ZFHX3: variants seen among roughly 807,000 people sequenced by gnomAD.
ZFHX3 encodes the protein zinc finger homeobox 3, also known as zinc finger homeobox protein 3.
ZFHX3 carries 42 observed loss-of-function variants against 279.1 expected under a neutral mutation model. The ratio of observed to expected loss-of-function variants is 0.15; its 90% confidence interval spans 0.12 to 0.19. The LOEUF is 0.19. Among genes scored for constraint, ZFHX3 ranks in the 10% least tolerant of loss-of-function variants. ZFHX3 has a pLI of 1.00. For missense variants in ZFHX3, 4,981 were observed against 4,754.0 expected (o/e 1.05, Z -1.40); for synonymous variants, 2,293 against 1,957.8 (o/e 1.17, Z -4.52).
intron 1 of ZFHX3, among the ~76,000 whole-genome samples, chr16:73,695,059 C>T (rs896901733): frequency 6.6e-6 from 1 of 152,166 alleles, no homozygotes; most frequent in Admixed American, 6.5e-5. Flanking sequence ...TATTGCAGAC[C>T]TATTTACACA....
chr16:73,238,018 A>T (rs1349661000), intron 5 of ZFHX3, among the ~76,000 whole-genome samples: 1 of 152,032 alleles, frequency 6.6e-6, no homozygotes, highest in South Asian at 2.1e-4. Flanking sequence ...TTAACAACCA[A>T]TTCCACTGTG....
chr16:72,789,752 A>G (rs1206196705), intron 9 of ZFHX3: 2 of 152,254 alleles, frequency 1.3e-5, no homozygotes, highest in Non-Finnish European at 2.9e-5. Context: ...ACTCAACAGT[A>G]TAACCGCCTA....
In ZFHX3 at chr16:73,216,105, A is replaced by G. The variant is rs796920289; in HGVS notation, c.-1104+40942T>C. Reference sequence around the variant, plus strand: ...CAGTCAAGCACAGAAGAACCAAAGCAGGCCTATAGATACACAAGGGAAAAA... The same window carrying G: ...CAGTCAAGCACAGAAGAACCAAAGCGGGCCTATAGATACACAAGGGAAAAA... On this transcript the variant is annotated intron_variant, in intron 5 of 17. Coordinates refer to the ZFHX3 transcript ENST00000641206. Among the ~76,000 whole-genome samples the G allele has an allele frequency of 2.6e-4, 39 of 152,348 alleles. 1 individual carries two copies. The highest frequency in any genetic ancestry group is 9.4e-4 in the African/African-American group (39 of 41,578).
chr16:73,433,546 C>T (rs1283311920), intron 3 of ZFHX3, among the ~76,000 whole-genome samples: 4 of 152,112 alleles, frequency 2.6e-5, no homozygotes, highest in South Asian at 2.1e-4. Context: ...TCCTGGCAAC[C>T]GACGCCCACC....
intron 7 of ZFHX3, among the ~76,000 whole-genome samples, chr16:73,099,953 A>G (rs538165402): frequency 1.2e-4 from 19 of 152,146 alleles, no homozygotes; most frequent in African/African-American, 3.4e-4. Flanking sequence ...GGAACCTTGC[A>G]TTGTCTTGAG....
At chr16:73,639,146 T>TTCTTTCTTCATACCCAAGAACCC (rs1305904492) in intron 2 of ZFHX3, among the ~76,000 whole-genome samples, 3 of 152,314 alleles carry the variant, frequency 2.0e-5, no homozygotes, top group Admixed American at 6.5e-5. Context: ...CCTTCTACTC[T>TTCTTTCTTCATACCCAAGAACCC]TCTTTCTTCA....
intron 5 of ZFHX3, among the ~76,000 whole-genome samples, chr16:73,159,003 C>A (rs1456265223): frequency 6.6e-6 from 1 of 152,144 alleles, no homozygotes; most frequent in Non-Finnish European, 1.5e-5. Flanking sequence ...CAGTACCACT[C>A]TGGACATAGG....
chr16:73,792,923 G>T (rs1959876345), intron 1 of ZFHX3, among the ~76,000 whole-genome samples: 1 of 151,052 alleles, frequency 6.6e-6, no homozygotes. Flanking sequence ...TATGGTTTGG[G>T]GTTGACGTTT....
At chr16:73,047,349 T>C (rs1476597417) in intron 1 of ZFHX3, among the ~76,000 whole-genome samples, 4 of 152,192 alleles carry the variant, frequency 2.6e-5, no homozygotes, top group Admixed American at 2.6e-4. Flanking sequence ...CTCCCTTTAA[T>C]TACTCCACAA....
At chr16:73,848,023 T>G (rs193011) in intron 1 of ZFHX3, among the ~76,000 whole-genome samples, 1 of 148,992 alleles carries the variant, frequency 6.7e-6, no homozygotes, top group Non-Finnish European at 1.5e-5. Flanking sequence ...CTTCCCAAAG[T>G]GCTGGGATTA....
At position 72,957,825 on chromosome 16, in the gene ZFHX3, G is replaced by A. The variant is rs377474264; in HGVS notation, c.2321C>T (p.Ala774Val). The A allele has an allele frequency of 1.6e-4, 253 of 1,609,670 alleles. No homozygotes were observed. The highest frequency in any genetic ancestry group is 2.8e-4 in the Admixed American group (17 of 59,718). Reference protein sequence around the residue: ...QVFSHTAGAAAAAVAAAAAAA... With the variant: ...QVFSHTAGAAVAAVAAAAAAA... Reference sequence around the variant, plus strand: ...CGCCGCCGCCGCAGCCACCGCCGCCGCCGCCGCCCCGGCAGTGTGGCTGAA... The same window carrying A: ...CGCCGCCGCCGCAGCCACCGCCGCCACCGCCGCCCCGGCAGTGTGGCTGAA... The change falls in exon 2 of 10, where the codon GCG becomes GTG. Residue 774 changes from alanine to valine, a missense_variant. This residue lies in a region of ZFHX3 where 1,751 missense variants were observed against 1,770.0 expected (regional missense o/e 0.99). Transcript: ENST00000268489.
At chr16:73,444,685 G>A (rs552994770) in intron 3 of ZFHX3, among the ~76,000 whole-genome samples, 2 of 152,270 alleles carry the variant, frequency 1.3e-5, no homozygotes, top group Admixed American at 1.3e-4. Context: ...TTCTCTCTTT[G>A]GTGCATGTCA....
At chr16:73,888,558 G>A in intron 1 of ZFHX3, among the ~76,000 whole-genome samples, 1 of 152,092 alleles carries the variant, frequency 6.6e-6, no homozygotes, top group Non-Finnish European at 1.5e-5. Context: ...TTATCTAATT[G>A]AACTACAGAG....
chr16:73,123,335 T>C (rs531891087), intron 7 of ZFHX3: 44 of 148,224 alleles, frequency 3.0e-4, no homozygotes, highest in African/African-American at 1.1e-3. Flanking sequence ...AGCAGAAGCT[T>C]GACAAGCACT....
chr16:73,287,389 G>T (rs1315443656), intron 4 of ZFHX3, among the ~76,000 whole-genome samples: 2 of 145,158 alleles, frequency 1.4e-5, no homozygotes, highest in Non-Finnish European at 3.0e-5. Flanking sequence ...CCAGTGTGTG[G>T]GTGGTGGGTG....
chr16:73,445,203 T>C (rs115978900), intron 3 of ZFHX3, among the ~76,000 whole-genome samples: 1,895 of 152,062 alleles, frequency 0.012, 38 homozygotes, highest in African/African-American at 0.043. Context: ...TATATGTATA[T>C]ACATAATTCG....
At chr16:73,140,286 C>T (rs1425924171) in intron 6 of ZFHX3, among the ~76,000 whole-genome samples, 1 of 152,032 alleles carries the variant, frequency 6.6e-6, no homozygotes, top group Non-Finnish European at 1.5e-5. Flanking sequence ...AATAAAATGA[C>T]CTTTTTAATA....
chr16:72,960,296 C>T, intron 1 of ZFHX3, 102 bp from the exon 2 acceptor site: 1 of 890,216 alleles, frequency 1.1e-6, no homozygotes, highest in Non-Finnish European at 1.6e-6. Context: ...GCACGGAGCG[C>T]TCTAAGAGGC....
chr16:73,214,717 A>G (rs1451643350), intron 5 of ZFHX3, among the ~76,000 whole-genome samples: 2 of 152,164 alleles, frequency 1.3e-5, no homozygotes, highest in Non-Finnish European at 2.9e-5. Context: ...GACAGAAAAT[A>G]CAACTCAACA....
Sources: allele counts gnomAD v4.1 joint callset (sites outside exome capture counted in the v4.1 genomes callset), GRCh38; gene constraint gnomAD v4.1.1; regional missense constraint gnomAD v4.1.1; transcripts MANE v1.5; gene names NCBI Gene and HGNC (gene_info 2026-07-23, HGNC 2026-07-21).